TTLL9: variants seen among roughly 807,000 people sequenced by gnomAD.
TTLL9 encodes tubulin tyrosine ligase like 9.
A neutral mutation model predicts 65.6 loss-of-function variants in TTLL9; 47 were observed. The ratio of observed to expected loss-of-function variants is 0.72; its 90% CI spans 0.57 to 0.91. The LOEUF (loss-of-function observed/expected upper bound fraction) is 0.91. Among genes scored for constraint, TTLL9 ranks in the 40% least tolerant of loss-of-function variants. The pLI is 0.00. For missense variants in TTLL9, 537 were observed against 568.8 expected (o/e 0.94, Z 0.57); for synonymous variants, 179 against 204.8 (o/e 0.87, Z 1.07).
Position 31,933,781 on chromosome 20 carries a change from G to A in TTLL9, c.749-19G>A. 1.2e-6 allele frequency: 2 copies of A among 1,613,090 alleles called. No homozygotes were observed. Among genetic ancestry groups the A allele is most frequent in the Non-Finnish European group, 8.5e-7 (1 of 1,179,338 alleles). On this transcript the variant is annotated intron_variant, in intron 10 of 14. Transcript: ENST00000535842. ...ACCCTTTTTGTTCACGCTGACCCTT[G>A]ACCACCACCCTCTCCCAGATGTTCA...
intron 3 of TTLL9, among the ~76,000 whole-genome samples, chr20:31,888,257 TTC>T (rs1229085278): frequency 3.3e-5 from 5 of 152,132 alleles, no homozygotes; most frequent in Admixed American, 3.3e-4. Flanking sequence ...TTTGAGATGC[TTC>T]TCTCATGCAG....
chr20:31,918,068 T>C (rs2063762655), intron 6 of TTLL9, among the ~76,000 whole-genome samples: 1 of 151,814 alleles, frequency 6.6e-6, no homozygotes, highest in South Asian at 2.1e-4. Flanking sequence ...GGAATGTGCT[T>C]ATTAAGATCT....
rs769375185 is a variant in TTLL9, at chr20:31,870,635, G to A, written c.-320G>A. Reference sequence around the variant, plus strand: ...CGGCGGGGGGCCGGACAAAGCCCCAGTGTGCCGGGCCCACGGCCCGCGGGA... The same window carrying A: ...CGGCGGGGGGCCGGACAAAGCCCCAATGTGCCGGGCCCACGGCCCGCGGGA... On this transcript the variant is annotated 5_prime_UTR_variant, in exon 1 of 15. In the 5' UTR this introduces an upstream ATG that the reference lacks. Coordinates refer to ENST00000535842, the MANE Select transcript of TTLL9 (RefSeq NM_001008409.5). The surrounding 1 kb of genome is among the most constrained non-coding windows in gnomAD (Gnocchi z 6.6). 7.6e-7 allele frequency: 1 copy of A among 1,321,726 alleles called. No homozygotes were observed. Among genetic ancestry groups the A allele is most frequent in the Non-Finnish European group, 9.7e-7 (1 of 1,034,400 alleles). The allele number at this position is 1,321,726 out of a possible 1,614,324, so 81.9% of individuals were successfully genotyped here.
intron 3 of TTLL9, among the ~76,000 whole-genome samples, chr20:31,889,459 G>C (rs898448751): frequency 1.2e-4 from 17 of 143,276 alleles, no homozygotes; most frequent in Non-Finnish European, 2.3e-4. Flanking sequence ...CTCTTGCTCT[G>C]TTGCCCAGGC....
intron 7 of TTLL9, among the ~76,000 whole-genome samples, chr20:31,922,010 T>G (rs1358341049): frequency 6.6e-6 from 1 of 152,086 alleles, no homozygotes; most frequent in Admixed American, 6.5e-5. Flanking sequence ...GGCTCACACC[T>G]GTAATCCCAG....
intron 10 of TTLL9, among the ~76,000 whole-genome samples, chr20:31,928,083 T>C (rs2063940420): frequency 1.3e-5 from 2 of 151,784 alleles, no homozygotes; most frequent in East Asian, 1.9e-4. Context: ...AAATAATACA[T>C]GTAAAGCAGT....
At chr20:31,930,835 A>T (rs1013556428) in intron 10 of TTLL9, among the ~76,000 whole-genome samples, 1 of 152,156 alleles carries the variant, frequency 6.6e-6, no homozygotes, top group Non-Finnish European at 1.5e-5. Flanking sequence ...CCATTGGTCC[A>T]CTGAGACCTG....
chr20:31,941,590 GCT>G (rs1259604230), intron 14 of TTLL9, among the ~76,000 whole-genome samples: 2 of 151,512 alleles, frequency 1.3e-5, no homozygotes, highest in African/African-American at 4.8e-5. Context: ...ACGGAGTCTC[GCT>G]CTGTTGCCCA....
intron 4 of TTLL9, among the ~76,000 whole-genome samples, chr20:31,907,503 C>T (rs1028025008): frequency 3.9e-5 from 6 of 152,150 alleles, no homozygotes; most frequent in Non-Finnish European, 5.9e-5. Context: ...AGGTGGATCA[C>T]CTGAGGTCAG....
At chr20:31,906,588 A>C (rs2063562780) in intron 4 of TTLL9, among the ~76,000 whole-genome samples, 1 of 151,870 alleles carries the variant, frequency 6.6e-6, no homozygotes, top group Non-Finnish European at 1.5e-5. Flanking sequence ...GTCTTTTAAA[A>C]CTCAGCCTAC....
intron 6 of TTLL9, among the ~76,000 whole-genome samples, chr20:31,919,346 G>A (rs2063780959): frequency 6.6e-6 from 1 of 152,190 alleles, no homozygotes; most frequent in African/African-American, 2.4e-5. Flanking sequence ...GAGTGTGCAA[G>A]GCCAGGCAGG....
chr20:31,939,373 T>C, intron 14 of TTLL9, 107 bp downstream of exon 14: 1 of 1,321,400 alleles, frequency 7.6e-7, no homozygotes, highest in South Asian at 1.4e-5. Context: ...GAATTCAATC[T>C]GCAACTTACC....
chr20:31,873,708 AAGAAAGAAAG>A (rs1252103166), intron 2 of TTLL9, among the ~76,000 whole-genome samples: 24 of 146,824 alleles, frequency 1.6e-4, no homozygotes, highest in South Asian at 8.6e-4. Flanking sequence ...GAAAGAAAGA[AAGAAAGAAAG>A]AAAGAAAGAA....
At chr20:31,933,910 C>T (rs759862992) in intron 11 of TTLL9, 52 bp downstream of exon 11, 55 of 1,555,638 alleles carry the variant, frequency 3.5e-5, no homozygotes, top group Non-Finnish European at 3.8e-5. Context: ...GGCGCCAGGT[C>T]GGGGTGGGGA....
At chr20:31,886,907 G>A (rs1232423485) in intron 2 of TTLL9, among the ~76,000 whole-genome samples, 1 of 152,202 alleles carries the variant, frequency 6.6e-6, no homozygotes, top group Admixed American at 6.5e-5. Flanking sequence ...GCTGACCTTT[G>A]GAGTACTGAA....
rs541543890 is a variant in TTLL9 at position 31,909,408 on chromosome 20, C to T, written c.319-329C>T. Among the ~76,000 whole-genome samples the T allele has an allele frequency of 2.0e-5, 3 of 152,202 alleles. No individual in the cohort carries two copies. The East Asian group carries it at 5.8e-4, about 29-fold the overall frequency. On this transcript the variant is annotated intron_variant, in intron 5 of 14. Transcript: ENST00000535842. ...CCGCCCACCTTGGCCTCCCAAAGTG[C>T]TAGGATTACAGGCGTGAGCCACTGC...
chr20:31,937,027 G>A (rs918174709), intron 12 of TTLL9, among the ~76,000 whole-genome samples: 4 of 151,620 alleles, frequency 2.6e-5, no homozygotes, highest in Non-Finnish European at 5.9e-5. Flanking sequence ...GAACCTGGGA[G>A]GCAGAGGTTG....
chr20:31,937,368 A>G, intron 12 of TTLL9, 28 bp from the exon 13 acceptor site: 3 of 1,577,880 alleles, frequency 1.9e-6, no homozygotes, highest in Non-Finnish European at 2.6e-6. Flanking sequence ...GAGTAACCCT[A>G]AGACTCTCTA....
rs145575185 is a variant in TTLL9 at position 31,929,398 on chromosome 20, A to C, written c.748+3307A>C. ...TGAAAATCAAATCAGAATATTCAGA[A>C]CAGTGCAAAAAGAAAGAGAAACCTT... On this transcript the variant is annotated intron_variant, in intron 10 of 14. Transcript: ENST00000535842. 5.5e-3 allele frequency among the ~76,000 whole-genome samples: 834 copies of C among 152,352 alleles called. 6 individuals carry two copies. Among genetic ancestry groups the C allele is most frequent in the Middle Eastern group, 0.02 (6 of 294 alleles).
Sources: gnomAD v4.1 joint callset for allele counts (sites outside exome capture counted in the v4.1 genomes callset) on GRCh38, gnomAD v4.1.1 for gene constraint, Gnocchi (gnomAD v3.1) non-coding constraint, MANE v1.5 for transcripts, NCBI Gene and HGNC (gene_info 2026-07-23, HGNC 2026-07-21) for gene names.